The following SMYD3 variants were observed in gnomAD, a reference collection of about 807,000 sequenced individuals.
SMYD3 encodes the protein histone-lysine N-methyltransferase SMYD3.
A neutral mutation model predicts 57.7 loss-of-function variants in SMYD3; 36 were observed. That is an observed-to-expected ratio of 0.62 (90% CI 0.48 to 0.82). The LOEUF (loss-of-function observed/expected upper bound fraction) is 0.82. SMYD3 is among the 40% of genes least tolerant of loss of function. SMYD3 has a pLI of 0.00. For synonymous variants in SMYD3, 211 were observed against 195.0 expected (o/e 1.08, Z -0.68); for missense variants, 515 against 538.8 (o/e 0.96, Z 0.44).
intron 1 of SMYD3, among the ~76,000 whole-genome samples, chr1:246,357,041 A>G (rs2065920186): frequency 6.6e-6 from 1 of 152,244 alleles, no homozygotes; most frequent in African/African-American, 2.4e-5. Context: ...AGCATCAGGT[A>G]GCCTATAAAA....
chr1:246,320,309 AT>A (rs1250265341), intron 5 of SMYD3, among the ~76,000 whole-genome samples: 1 of 152,192 alleles, frequency 6.6e-6, no homozygotes, highest in Non-Finnish European at 1.5e-5. Flanking sequence ...TAAAAATTAG[AT>A]TTTGGAAAAG....
At chr1:246,065,002 T>C (rs1384228494) in intron 5 of SMYD3, among the ~76,000 whole-genome samples, 1 of 152,234 alleles carries the variant, frequency 6.6e-6, no homozygotes, top group Non-Finnish European at 1.5e-5. Flanking sequence ...ACTTTATTTG[T>C]ATCTTTGTGT....
intron 10 of SMYD3, among the ~76,000 whole-genome samples, chr1:245,852,930 ACATACGAACACAC>A (rs1192119983): frequency 6.6e-6 from 1 of 152,180 alleles, no homozygotes; most frequent in African/African-American, 2.4e-5. Context: ...AGTATTTCAC[ACATACGAACACAC>A]GCACATACAG....
chr1:246,141,432 G>A (rs976018616), intron 5 of SMYD3, among the ~76,000 whole-genome samples: 5 of 151,866 alleles, frequency 3.3e-5, no homozygotes, highest in South Asian at 2.1e-4. Context: ...TCATTTGTAC[G>A]GATATTCAAA....
At chr1:245,889,966 G>C (rs147182812) in intron 8 of SMYD3, among the ~76,000 whole-genome samples, 2,446 of 152,216 alleles carry the variant, frequency 0.016, 64 homozygotes, top group African/African-American at 0.055. Flanking sequence ...TTTGACAAAG[G>C]TGCCAAGAAC....
At chr1:246,406,908 T>C (rs982736252) in intron 1 of SMYD3, among the ~76,000 whole-genome samples, 1 of 152,234 alleles carries the variant, frequency 6.6e-6, no homozygotes, top group Non-Finnish European at 1.5e-5. Flanking sequence ...TATTATAGTT[T>C]ATTTAATTAG....
intron 11 of SMYD3, among the ~76,000 whole-genome samples, chr1:245,751,815 C>T (rs1051068557): frequency 6.6e-5 from 10 of 152,182 alleles, no homozygotes; most frequent in Non-Finnish European, 1.5e-4. Context: ...TTCATGCGAG[C>T]AAGTCTGCTC....
At chr1:245,944,861 G>A (rs1022537052) in intron 5 of SMYD3, among the ~76,000 whole-genome samples, 101 of 152,084 alleles carry the variant, frequency 6.6e-4, no homozygotes, top group Non-Finnish European at 2.9e-4. Context: ...TCTGATCTTC[G>A]ATAAACCTGA....
At chr1:245,986,432 G>T (rs1412298092) in intron 5 of SMYD3, among the ~76,000 whole-genome samples, 3 of 152,168 alleles carry the variant, frequency 2.0e-5, no homozygotes, top group South Asian at 4.1e-4. Flanking sequence ...TTTGCTGTAT[G>T]CAACTGTGCT....
intron 5 of SMYD3, among the ~76,000 whole-genome samples, chr1:245,993,368 A>G (rs2058847076): frequency 1.3e-5 from 2 of 152,172 alleles, no homozygotes; most frequent in Admixed American, 1.3e-4. Context: ...TATGGAAATG[A>G]TGCAAGTCAG....
chr1:246,283,563 T>C (rs2064496133), intron 5 of SMYD3, among the ~76,000 whole-genome samples: 2 of 152,220 alleles, frequency 1.3e-5, no homozygotes, highest in Non-Finnish European at 2.9e-5. Context: ...ACGTCCTCAT[T>C]CATATATACC....
intron 5 of SMYD3, among the ~76,000 whole-genome samples, chr1:246,101,507 T>C (rs2885258): frequency 0.37 from 56,985 of 152,034 alleles, 14,268 homozygotes; most frequent in African/African-American, 0.69. Flanking sequence ...AGTATTTTTA[T>C]CACACTCTCA....
chr1:246,368,202 GA>G (rs1330462811), intron 1 of SMYD3, among the ~76,000 whole-genome samples: 3 of 152,200 alleles, frequency 2.0e-5, no homozygotes, highest in Non-Finnish European at 2.9e-5. Flanking sequence ...CCATCTCTAA[GA>G]AATTTTTAAG....
rs147009044 is a variant in SMYD3 at position 245,927,945 on chromosome 1, C to T, written c.688G>A (p.Glu230Lys). Residue 230 changes from glutamate to lysine, a missense_variant, in exon 7 of 12, where the codon GAG becomes AAG. Coordinates refer to ENST00000490107, the MANE Select transcript of SMYD3 (RefSeq NM_001167740.2). ...HLLLRAVRDI[E>K]VGEELTICYL... ...AGTTTCCTTACCTCCTCTCCCACCTCGATGTCTCGGACTGCTCGCAGTAAG... is the reference window on the plus strand; with the variant it reads ...AGTTTCCTTACCTCCTCTCCCACCTTGATGTCTCGGACTGCTCGCAGTAAG... 409 of 1,611,540 alleles carry T rather than the reference C, an allele frequency of 2.5e-4. No homozygotes were observed. Among genetic ancestry groups the T allele is most frequent in the Non-Finnish European group, 3.2e-4 (373 of 1,178,654 alleles).
At chr1:245,788,577 C>A (rs1332976212) in intron 10 of SMYD3, among the ~76,000 whole-genome samples, 1 of 152,168 alleles carries the variant, frequency 6.6e-6, no homozygotes, top group Non-Finnish European at 1.5e-5. Flanking sequence ...ATGAAATAGC[C>A]TAGAAAAGTT....
chr1:245,986,164 A>G (rs2058700742), intron 5 of SMYD3, among the ~76,000 whole-genome samples: 1 of 151,932 alleles, frequency 6.6e-6, no homozygotes. Flanking sequence ...TTTCATCTCA[A>G]CTTTAACATG....
chr1:245,949,062 G>A lies in SMYD3; in HGVS notation c.532-19125C>T, dbSNP rs375852150. Among the ~76,000 whole-genome samples the A allele has an allele frequency of 5.3e-4, 80 of 152,320 alleles. 1 individual carries two copies. Among genetic ancestry groups the A allele is most frequent in the African/African-American group, 1.8e-3 (75 of 41,580 alleles). On this transcript the variant is annotated intron_variant, in intron 5 of 11. Coordinates refer to ENST00000490107, the MANE Select transcript of SMYD3 (RefSeq NM_001167740.2). ...GCAGGCCTAAGGACCGGACTGCCCA[G>A]CCGGGTGCAGCCAACACCAACACTG...
chr1:246,422,641 C>T (rs937431340), intron 1 of SMYD3, among the ~76,000 whole-genome samples: 2 of 152,096 alleles, frequency 1.3e-5, no homozygotes, highest in Non-Finnish European at 2.9e-5. Context: ...AGGCTGGTCT[C>T]GAACTCCTGA....
At chr1:246,327,436 C>G in intron 4 of SMYD3, 99 bp from the exon 5 acceptor site, 1 of 1,032,908 alleles carries the variant, frequency 9.7e-7, no homozygotes, top group South Asian at 1.6e-5. Context: ...ATATTTCCTA[C>G]CTTACATTGG....
Sources: allele counts gnomAD v4.1 joint callset (sites outside exome capture counted in the v4.1 genomes callset), GRCh38; gene constraint gnomAD v4.1.1; transcripts MANE v1.5; gene names NCBI Gene and HGNC (gene_info 2026-07-23, HGNC 2026-07-21).